The following HOOK1 variants were observed in gnomAD, a reference collection of about 807,000 sequenced individuals.
HOOK1 encodes hook microtubule tethering protein 1.
A neutral mutation model predicts 112.8 loss-of-function variants in HOOK1; 60 were observed. That is an observed-to-expected ratio of 0.53 (90% CI 0.43 to 0.66). HOOK1 has a LOEUF of 0.66. Among genes scored for constraint, HOOK1 ranks in the 30% least tolerant of loss-of-function variants. HOOK1 has a pLI of 0.00. For missense variants in HOOK1, 770 were observed against 856.0 expected, an observed-to-expected ratio of 0.90 and a Z score of 1.25; for synonymous variants, 294 against 283.8, an observed-to-expected ratio of 1.04 and a Z score of -0.36.
intron 12 of HOOK1, among the ~76,000 whole-genome samples, chr1:59,852,507 G>A (rs1402875268): frequency 6.8e-6 from 1 of 146,716 alleles, no homozygotes; most frequent in African/African-American, 2.5e-5. Flanking sequence ...TCCTTTATTT[G>A]TGATTTTTGT....
At chr1:59,846,942 T>C in intron 9 of HOOK1, 103 bp from the exon 10 acceptor site, 1 of 757,022 alleles carries the variant, frequency 1.3e-6, no homozygotes. Context: ...TTTATTGTGT[T>C]GAGTGTTATA....
In HOOK1 at chr1:59,839,806, G is replaced by C. The variant is rs139238407; in HGVS notation, c.538-502G>C. Among the ~76,000 whole-genome samples, 1,481 of 152,230 alleles carry C rather than the reference G, an allele frequency of 9.7e-3. 14 individuals carry two copies. Among genetic ancestry groups the C allele is most frequent in the African/African-American group, 0.034 (1,395 of 41,530 alleles). ...AATGCTTCCAGTTTTTGCCCATTCAGTATGATATTGGCTGTGGTTTTGTCA... is the reference window on the plus strand; with the variant it reads ...AATGCTTCCAGTTTTTGCCCATTCACTATGATATTGGCTGTGGTTTTGTCA... On this transcript the variant is annotated intron_variant, in intron 7 of 21. Coordinates refer to ENST00000371208, the MANE Select transcript of HOOK1 (RefSeq NM_015888.6).
At chr1:59,815,754 C>T (rs923199756) in intron 1 of HOOK1, among the ~76,000 whole-genome samples, 1 of 151,966 alleles carries the variant, frequency 6.6e-6, no homozygotes, top group African/African-American at 2.4e-5. Context: ...TTGTATTTCC[C>T]GTATGGAGAA....
At chr1:59,858,361 G>A (rs1011139316) in intron 12 of HOOK1, 67 bp from the exon 13 acceptor site, 20 of 969,376 alleles carry the variant, frequency 2.1e-5, no homozygotes, top group Non-Finnish European at 3.2e-5. Context: ...AAGATAAATT[G>A]TAAGCATAAA....
intron 16 of HOOK1, among the ~76,000 whole-genome samples, 177 bp from the exon 17 acceptor site, chr1:59,864,453 TAA>T (rs959667124): frequency 1.6e-4 from 25 of 151,834 alleles, no homozygotes; most frequent in Non-Finnish European, 3.1e-4. Flanking sequence ...CTTTTTGAAG[TAA>T]AAAAAGAACC....
intron 7 of HOOK1, among the ~76,000 whole-genome samples, chr1:59,837,916 C>T (rs1574191796): frequency 6.6e-6 from 1 of 152,186 alleles, no homozygotes; most frequent in African/African-American, 2.4e-5. Flanking sequence ...TATTGTTCAA[C>T]TCCCACTTAT....
At chr1:59,872,722 T>C in intron 21 of HOOK1, 73 bp from the exon 22 acceptor site, 2 of 1,071,778 alleles carry the variant, frequency 1.9e-6, no homozygotes, top group South Asian at 7.3e-5. Flanking sequence ...GGATTAAGTG[T>C]CTTTATGTGA....
intron 3 of HOOK1, among the ~76,000 whole-genome samples, chr1:59,830,443 T>C (rs917779333): frequency 2.0e-5 from 3 of 152,172 alleles, no homozygotes; most frequent in Admixed American, 6.5e-5. Context: ...ATGAAATGCT[T>C]TTCTTTATCC....
intron 12 of HOOK1, among the ~76,000 whole-genome samples, chr1:59,852,335 A>G (rs746636156): frequency 6.6e-6 from 1 of 151,820 alleles, no homozygotes; most frequent in Non-Finnish European, 1.5e-5. Context: ...CTCTAGGTCT[A>G]TTCAGCTATT....
At chr1:59,865,475 A>C (rs1643944901) in intron 18 of HOOK1, among the ~76,000 whole-genome samples, 2 of 152,178 alleles carry the variant, frequency 1.3e-5, no homozygotes, top group South Asian at 4.1e-4. Context: ...TCAAACATTA[A>C]AAAATAAGAT....
At chr1:59,852,577 T>A (rs1453273583) in intron 12 of HOOK1, among the ~76,000 whole-genome samples, 1 of 151,450 alleles carries the variant, frequency 6.6e-6, no homozygotes, top group African/African-American at 2.4e-5. Context: ...TTTGTCAATT[T>A]TGTTGATCTT....
chr1:59,832,256 C>T (rs371499258), intron 4 of HOOK1, 43 bp downstream of exon 4: 40 of 1,175,322 alleles, frequency 3.4e-5, no homozygotes, highest in Admixed American at 1.4e-4. Context: ...TCATGCTATA[C>T]GAAAATTACT....
chr1:59,859,398 G>A (rs2098412396), intron 14 of HOOK1, among the ~76,000 whole-genome samples: 1 of 152,004 alleles, frequency 6.6e-6, no homozygotes, highest in African/African-American at 2.4e-5. Flanking sequence ...CCTTTGATGG[G>A]AGAAGTGGTA....
chr1:59,833,440 T>G lies in HOOK1; in HGVS notation c.309T>G (p.Pro103=). The change falls in exon 5 of 22, where the codon CCT becomes CCG. Residue 103 remains proline, a synonymous_variant. Transcript: ENST00000371208. ...AGCAGATTTCAGAAGCACTTATCCCTGATTTAAACCAAATAACCGAATGTT... is the reference window on the plus strand; with the variant it reads ...AGCAGATTTCAGAAGCACTTATCCCGGATTTAAACCAAATAACCGAATGTT... ...LGQQISEALI[P]DLNQITECSD... The G allele has an allele frequency of 1.3e-6, 2 of 1,567,962 alleles. No homozygotes were observed. The highest frequency in any genetic ancestry group is 1.3e-5 in the African/African-American group (1 of 74,434).
chr1:59,835,298 T>A (rs1341468471), intron 5 of HOOK1, 47 bp from the exon 6 acceptor site: 1 of 992,782 alleles, frequency 1.0e-6, no homozygotes, highest in South Asian at 1.3e-5. Context: ...TAAGGTACTA[T>A]GTGTAAAGAG....
Position 59,847,175 on chromosome 1 carries a change from G to C in HOOK1, c.919G>C (p.Asp307His). ...EETRALKDEI[D>H]VLRATSDKAN... ...AACAAGAGCCCTGAAAGATGAAATA[G>C]ATGTTCTTAGGTATGGCATGTCTTA... Residue 307 changes from aspartate to histidine, a missense_variant, in exon 10 of 22, where the codon GAT (aspartate) becomes CAT (histidine). By Grantham distance (81) the Asp-to-His change is moderately conservative (BLOSUM62 -1). This residue lies in a region of HOOK1 where 655 missense variants were observed against 725.9 expected (regional missense o/e 0.90). Coordinates refer to ENST00000371208, the MANE Select transcript of HOOK1 (RefSeq NM_015888.6). The C allele has an allele frequency of 6.2e-7, 1 of 1,602,818 alleles. No individual in the cohort carries two copies. The highest frequency in any genetic ancestry group is 8.5e-7 in the Non-Finnish European group (1 of 1,175,376).
chr1:59,833,459 G>A lies in HOOK1; in HGVS notation c.328G>A (p.Glu110Lys), dbSNP rs905424437. ...ALIPDLNQIT[E>K]CSDPVELGRL... ...TATCCCTGATTTAAACCAAATAACC[G>A]AATGTTCAGATCCAGTGGAGCTTGG... Residue 110 changes from glutamate (E) to lysine (K), a missense_variant, in exon 5 of 22, where the codon GAA becomes AAA. By Grantham distance (56) the Glu-to-Lys change is moderately conservative. Coordinates refer to ENST00000371208, the MANE Select transcript of HOOK1 (RefSeq NM_015888.6). 12 of 1,584,808 alleles carry A rather than the reference G, an allele frequency of 7.6e-6. No homozygotes were observed. The highest frequency in any genetic ancestry group is 3.4e-5 in the South Asian group (3 of 86,992).
intron 8 of HOOK1, among the ~76,000 whole-genome samples, chr1:59,842,422 T>C (rs771579059): frequency 3.3e-5 from 5 of 152,118 alleles, no homozygotes; most frequent in South Asian, 4.1e-4. Flanking sequence ...GATGCATGCA[T>C]TGAATTTGGG....
intron 19 of HOOK1, among the ~76,000 whole-genome samples, chr1:59,867,478 G>A (rs1026577434): frequency 6.6e-6 from 1 of 152,074 alleles, no homozygotes; most frequent in African/African-American, 2.4e-5. Context: ...CTCTATAAAT[G>A]TAGATGAAGT....
Sources: allele counts gnomAD v4.1 joint callset (sites outside exome capture counted in the v4.1 genomes callset), GRCh38; gene constraint gnomAD v4.1.1; regional missense constraint gnomAD v4.1.1; transcripts MANE v1.5; gene names NCBI Gene and HGNC (gene_info 2026-07-23, HGNC 2026-07-21).